Variants in TNR observed in about 807,000 individuals in gnomAD.
TNR encodes tenascin-R.
Under a neutral mutation model 150.4 loss-of-function variants are expected in TNR, and 45 were observed. The observed-to-expected ratio is 0.30, with a 90% CI of 0.24 to 0.38. TNR has a LOEUF of 0.38. Among genes scored for constraint, TNR ranks in the 10% least tolerant of loss-of-function variants. TNR has a pLI of 1.00. For missense variants in TNR, 1,544 were observed against 1,759.1 expected (o/e 0.88, Z 2.19); for synonymous variants, 687 against 678.4 (o/e 1.01, Z -0.20).
intron 2 of TNR, among the ~76,000 whole-genome samples, chr1:175,457,047 A>C (rs1191290653): frequency 2.0e-5 from 3 of 152,220 alleles, no homozygotes; most frequent in African/African-American, 7.2e-5. Flanking sequence ...ATTCGGGTAG[A>C]TAAATTGTCA....
intron 1 of TNR, among the ~76,000 whole-genome samples, chr1:175,587,922 T>G (rs1395989594): frequency 6.6e-6 from 1 of 152,234 alleles, no homozygotes; most frequent in East Asian, 1.9e-4. Context: ...GCCACTCACA[T>G]GGTGGAGGGG....
At chr1:175,540,782 C>A (rs1353551507) in intron 1 of TNR, among the ~76,000 whole-genome samples, 1 of 152,182 alleles carries the variant, frequency 6.6e-6, no homozygotes, top group African/African-American at 2.4e-5. Context: ...TTTCTCCTCA[C>A]TGGGTTTCCT....
At chr1:175,623,742 C>A (rs192655647) in intron 1 of TNR, among the ~76,000 whole-genome samples, 8 of 152,328 alleles carry the variant, frequency 5.3e-5, no homozygotes, top group Non-Finnish European at 4.4e-5. Flanking sequence ...TTAGAGTGAG[C>A]TAATTTACCC....
intron 1 of TNR, among the ~76,000 whole-genome samples, chr1:175,534,799 T>C (rs1343156695): frequency 6.6e-6 from 1 of 152,150 alleles, no homozygotes. Flanking sequence ...TCACCATGAA[T>C]TGTAAGAATC....
At chr1:175,452,992 G>C (rs1398304276) in intron 2 of TNR, among the ~76,000 whole-genome samples, 1 of 152,154 alleles carries the variant, frequency 6.6e-6, no homozygotes, top group Non-Finnish European at 1.5e-5. Flanking sequence ...TGGATGCAGA[G>C]ATGCAGCCAG....
chr1:175,510,628 A>G (rs1158307139), intron 2 of TNR, among the ~76,000 whole-genome samples: 1 of 152,226 alleles, frequency 6.6e-6, no homozygotes, highest in Non-Finnish European at 1.5e-5. Flanking sequence ...TCTTAATTGG[A>G]ACTACAAACT....
chr1:175,573,124 T>G (rs1330711071), intron 1 of TNR, among the ~76,000 whole-genome samples: 1 of 152,250 alleles, frequency 6.6e-6, no homozygotes, highest in African/African-American at 2.4e-5. Context: ...TAAGCAGACG[T>G]TGACCATAGA....
intron 17 of TNR, 71 bp downstream of exon 17, chr1:175,355,432 A>T: frequency 3.8e-6 from 6 of 1,574,900 alleles, no homozygotes; most frequent in Non-Finnish European, 5.2e-6. Context: ...TCCTGTGGTC[A>T]CTCCACTAGT....
intron 2 of TNR, among the ~76,000 whole-genome samples, chr1:175,414,310 A>G (rs984291088): frequency 1.3e-5 from 2 of 151,890 alleles, no homozygotes; most frequent in Non-Finnish European, 2.9e-5. Flanking sequence ...GGTGGAGGAG[A>G]AAAAAAATGG....
intron 1 of TNR, among the ~76,000 whole-genome samples, chr1:175,574,872 A>G (rs928244526): frequency 1.3e-5 from 2 of 152,236 alleles, no homozygotes; most frequent in Non-Finnish European, 2.9e-5. Context: ...AAAGGGTCAG[A>G]AAAAGTTGAC....
intron 1 of TNR, among the ~76,000 whole-genome samples, chr1:175,548,069 C>G (rs1660781303): frequency 6.6e-6 from 1 of 152,184 alleles, no homozygotes; most frequent in Admixed American, 6.5e-5. Flanking sequence ...AAATCACATC[C>G]AGGCGAGACA....
chr1:175,688,328 T>A, intron 1 of TNR, among the ~76,000 whole-genome samples: 1 of 152,210 alleles, frequency 6.6e-6, no homozygotes, highest in Non-Finnish European at 1.5e-5. Context: ...AGCCCTGACT[T>A]AAGAAGAGGC....
intron 2 of TNR, among the ~76,000 whole-genome samples, chr1:175,490,323 C>T (rs1557965459): frequency 6.6e-6 from 1 of 152,130 alleles, no homozygotes; most frequent in Non-Finnish European, 1.5e-5. Context: ...GCAAAGATTC[C>T]ATGATGAAAA....
chr1:175,463,195 A>C (rs1321965626), intron 2 of TNR, among the ~76,000 whole-genome samples: 1 of 152,104 alleles, frequency 6.6e-6, no homozygotes, highest in Non-Finnish European at 1.5e-5. Context: ...GGTGACCTTT[A>C]CATAGGGCCT....
chr1:175,539,662 C>T (rs1416083115), intron 1 of TNR, among the ~76,000 whole-genome samples: 1 of 152,186 alleles, frequency 6.6e-6, no homozygotes, highest in Non-Finnish European at 1.5e-5. Flanking sequence ...CTCATAGTTC[C>T]TTCCGGGAAT....
intron 2 of TNR, among the ~76,000 whole-genome samples, chr1:175,435,670 T>C (rs1377693668): frequency 6.6e-6 from 1 of 152,186 alleles, no homozygotes; most frequent in African/African-American, 2.4e-5. Flanking sequence ...CATCAGCATT[T>C]AGACAGTTCA....
At chr1:175,659,819 G>A (rs1458518217) in intron 1 of TNR, among the ~76,000 whole-genome samples, 1 of 152,036 alleles carries the variant, frequency 6.6e-6, no homozygotes, top group African/African-American at 2.4e-5. Flanking sequence ...GATAACTCCA[G>A]GAGGTGGCAG....
intron 4 of TNR, 27 bp downstream of exon 4, chr1:175,403,113 A>C: frequency 4.3e-5 from 68 of 1,578,644 alleles, no homozygotes; most frequent in Non-Finnish European, 5.3e-5. Flanking sequence ...ACCCTTGCCA[A>C]ACACCCCAGA....
intron 2 of TNR, among the ~76,000 whole-genome samples, chr1:175,508,673 T>C (rs574996816): frequency 1.6e-4 from 25 of 152,294 alleles, no homozygotes; most frequent in African/African-American, 5.5e-4. Context: ...GGAGCAAATC[T>C]TTCTCCAGTT....
Sources: gnomAD v4.1 joint callset for allele counts (sites outside exome capture counted in the v4.1 genomes callset) on GRCh38, gnomAD v4.1.1 for gene constraint, MANE v1.5 for transcripts, NCBI Gene and HGNC (gene_info 2026-07-23, HGNC 2026-07-21) for gene names.